Variants in SIAH3 observed in about 807,000 individuals in gnomAD.
SIAH3 encodes siah E3 ubiquitin protein ligase family member 3, also known as seven in absentia homolog 3.
Under a neutral mutation model 12.6 loss-of-function variants are expected in SIAH3, and 9 were observed. The observed-to-expected ratio is 0.72, with a 90% confidence interval of 0.43 to 1.25. The LOEUF (loss-of-function observed/expected upper bound fraction) is 1.25, where lower values mean the gene tolerates loss of function less well. Ranked by LOEUF, SIAH3 falls within the 50% of genes most tolerant of loss-of-function variation. The probability of loss-of-function intolerance (pLI) is 0.00; values close to 1 mark genes in which losing one functional copy is unlikely to be tolerated. For synonymous variants in SIAH3, 154 were observed against 151.1 expected (o/e 1.02, Z -0.14); for missense variants, 390 against 365.4 (o/e 1.07, Z -0.55).
intron 1 of SIAH3, among the ~76,000 whole-genome samples, chr13:45,849,333 A>C (rs1411030532): frequency 2.6e-5 from 4 of 152,248 alleles, no homozygotes; most frequent in African/African-American, 9.6e-5. Context: ...ATGTCCTCTC[A>C]AAGCATACGT....
Position 45,783,852 on chromosome 13 carries a change from C to T in SIAH3, c.341G>A (p.Cys114Tyr), listed in dbSNP as rs777646659. ...PCLCMCPLFS[C>Y]QWEGRLEVVV... is the part of the protein sequence containing the mutation. Reference sequence around the variant, plus strand: ...CACCTCCAGGCGGCCTTCCCACTGGCAGGAGAACAAGGGACACATGCACAG... The same window carrying T: ...CACCTCCAGGCGGCCTTCCCACTGGTAGGAGAACAAGGGACACATGCACAG... The change falls in exon 2 of 2, where the codon TGC becomes TAC. Residue 114 changes from cysteine to tyrosine, a missense_variant. Coordinates refer to ENST00000400405, the MANE Select transcript of SIAH3 (RefSeq NM_198849.3). 2 of 1,614,094 alleles carry T rather than the reference C, an allele frequency of 1.2e-6. No homozygotes were observed. The highest frequency in any genetic ancestry group is 1.1e-5 in the South Asian group (1 of 91,076).
Position 45,781,212 on chromosome 13 carries a change from G to T in SIAH3, c.*2171C>A, listed in dbSNP as rs1360532297. The stretch of plus-strand genomic sequence containing the variant: ...AGGTGATGTCTGCAGGAGCCCTAAG[G>T]CCCTGTGAATGTTAGTTATATTCTT... On this transcript the variant is annotated 3_prime_UTR_variant, in exon 2 of 2. Coordinates refer to ENST00000400405, the MANE Select transcript of SIAH3 (RefSeq NM_198849.3). 1 of 152,622 alleles carries T rather than the reference G, an allele frequency of 6.6e-6. No homozygotes were observed. The highest frequency in any genetic ancestry group is 1.5e-5 in the Non-Finnish European group (1 of 68,048). The allele number at this position is 152,622 out of a possible 1,614,324, so 9.5% of individuals were successfully genotyped here. A position where few individuals can be genotyped will look rare whatever the true frequency, so the allele number is the denominator to read the frequency against.
intron 1 of SIAH3, among the ~76,000 whole-genome samples, chr13:45,814,039 C>T (rs1430853979): frequency 3.9e-5 from 6 of 151,976 alleles, no homozygotes; most frequent in Admixed American, 2.6e-4. Context: ...GAGATTGAGA[C>T]CATCCTGGCT....
At chr13:45,830,712 G>A (rs1180019382) in intron 1 of SIAH3, among the ~76,000 whole-genome samples, 2 of 152,180 alleles carry the variant, frequency 1.3e-5, no homozygotes, top group African/African-American at 4.8e-5. Context: ...CAAGTCTAGT[G>A]GGAGAACCCA....
intron 1 of SIAH3, among the ~76,000 whole-genome samples, chr13:45,831,573 T>G (rs933352166): frequency 1.3e-5 from 2 of 151,980 alleles, no homozygotes; most frequent in Non-Finnish European, 2.9e-5. Flanking sequence ...AAGGCAGAAA[T>G]AGTCCCTCCT....
At chr13:45,816,653 C>T (rs1036181542) in intron 1 of SIAH3, among the ~76,000 whole-genome samples, 1 of 152,222 alleles carries the variant, frequency 6.6e-6, no homozygotes, top group African/African-American at 2.4e-5. Context: ...CTTGCTGCTG[C>T]GCTCAGGCTG....
At chr13:45,849,985 A>G (rs1367826507) in intron 1 of SIAH3, among the ~76,000 whole-genome samples, 3 of 152,264 alleles carry the variant, frequency 2.0e-5, no homozygotes, top group Non-Finnish European at 2.9e-5. Flanking sequence ...TGCATACTAC[A>G]TACTTGCTTT....
At chr13:45,848,410 G>T (rs1347072978) in intron 1 of SIAH3, among the ~76,000 whole-genome samples, 1 of 152,166 alleles carries the variant, frequency 6.6e-6, no homozygotes, top group Non-Finnish European at 1.5e-5. Flanking sequence ...TTTAATTAGG[G>T]TGAGCTTCAG....
At chr13:45,812,040 A>G (rs1950618113) in intron 1 of SIAH3, among the ~76,000 whole-genome samples, 1 of 152,228 alleles carries the variant, frequency 6.6e-6, no homozygotes, top group Non-Finnish European at 1.5e-5. Context: ...CTGTTAGTTC[A>G]ATGCCATTCA....
At chr13:45,791,630 A>G (rs1350877915) in intron 1 of SIAH3, among the ~76,000 whole-genome samples, 1 of 152,252 alleles carries the variant, frequency 6.6e-6, no homozygotes, top group Non-Finnish European at 1.5e-5. Flanking sequence ...AGAGGAGGGT[A>G]CTGACACGTG....
intron 1 of SIAH3, among the ~76,000 whole-genome samples, chr13:45,831,024 C>T (rs1224228977): frequency 1.3e-5 from 2 of 151,810 alleles, no homozygotes; most frequent in African/African-American, 4.8e-5. Context: ...ACTAAAAATA[C>T]AAAAATTGGC....
intron 1 of SIAH3, among the ~76,000 whole-genome samples, chr13:45,837,501 A>G (rs79388593): frequency 0.014 from 2,068 of 151,636 alleles, 43 homozygotes; most frequent in East Asian, 0.042. Flanking sequence ...AAAAAGAAAG[A>G]AAGAAAAATA....
At chr13:45,817,051 T>C (rs573805592) in intron 1 of SIAH3, among the ~76,000 whole-genome samples, 1 of 152,328 alleles carries the variant, frequency 6.6e-6, no homozygotes, top group South Asian at 2.1e-4. Context: ...GGCTTTTTAG[T>C]ATTACTGTGA....
Position 45,792,463 on chromosome 13 carries a change from T to C in SIAH3, c.136-8406A>G, listed in dbSNP as rs1950548995. Among the ~76,000 whole-genome samples, 3 of 151,936 alleles carry C rather than the reference T, an allele frequency of 2.0e-5. No individual in the cohort carries two copies. The South Asian group carries it at 6.3e-4, about 32-fold the overall frequency. ...ACCTTCGCCTCCTGGGTTCATGCAA[T>C]TCTCCTGCCTCAGCCTCCCAAGTAG... On this transcript the variant is annotated intron_variant, in intron 1 of 1. Coordinates refer to ENST00000400405, the MANE Select transcript of SIAH3 (RefSeq NM_198849.3).
In SIAH3 at chr13:45,814,446, C is replaced by T. The variant is rs138049662; in HGVS notation, c.136-30389G>A. On this transcript the variant is annotated intron_variant, in intron 1 of 1. Transcript: ENST00000400405. ...TTTAGCAGGAAAACCAGCACCATCT[C>T]GGGGAATCATGGAAGGCTTCTTAGA... Among the ~76,000 whole-genome samples the T allele has an allele frequency of 1.6e-3, 244 of 151,904 alleles. 1 individual carries two copies. Among genetic ancestry groups the T allele is most frequent in the African/African-American group, 5.2e-3 (216 of 41,412 alleles).
chr13:45,810,658 T>C (rs1263851981), intron 1 of SIAH3, among the ~76,000 whole-genome samples: 1 of 152,184 alleles, frequency 6.6e-6, no homozygotes, highest in Non-Finnish European at 1.5e-5. Flanking sequence ...TGTGCTGCAG[T>C]ATGATGGGAG....
intron 1 of SIAH3, among the ~76,000 whole-genome samples, chr13:45,810,779 G>A (rs76076375): frequency 0.015 from 2,211 of 152,328 alleles, 48 homozygotes; most frequent in African/African-American, 0.05. Flanking sequence ...GATAGGAAGA[G>A]GCAAACATCC....
chr13:45,784,410 T>TG (rs1312568089), intron 1 of SIAH3, among the ~76,000 whole-genome samples: 4 of 150,802 alleles, frequency 2.7e-5, no homozygotes, highest in Non-Finnish European at 5.9e-5. Context: ...TTTTTTTTTT[T>TG]TTTTTTTTTT....
At chr13:45,836,146 A>G (rs537570777) in intron 1 of SIAH3, among the ~76,000 whole-genome samples, 47 of 152,212 alleles carry the variant, frequency 3.1e-4, no homozygotes, top group Non-Finnish European at 6.2e-4. Context: ...AGAACGAGTG[A>G]GGCAGATAGA....
Sources: gnomAD v4.1 joint callset for allele counts (sites outside exome capture counted in the v4.1 genomes callset) on GRCh38, gnomAD v4.1.1 for gene constraint, MANE v1.5 for transcripts, NCBI Gene and HGNC (gene_info 2026-07-23, HGNC 2026-07-21) for gene names.